ACYP2: variants seen among roughly 807,000 people sequenced by gnomAD.
The protein encoded by ACYP2 is acylphosphatase 2.
Under a neutral mutation model 11.2 loss-of-function variants are expected in ACYP2, and 12 were observed. That is an observed-to-expected ratio of 1.08 (90% confidence interval 0.69 to 1.74). The LOEUF is 1.74. ACYP2 is among the 40% of genes most tolerant of loss of function. The probability of loss-of-function intolerance (pLI) is 0.00; values close to 1 mark genes in which losing one functional copy is unlikely to be tolerated. For missense variants in ACYP2, 134 were observed against 101.9 expected (o/e 1.31, Z -1.35); for synonymous variants, 43 against 32.2 (o/e 1.33, Z -1.13).
intron 2 of ACYP2, among the ~76,000 whole-genome samples, chr2:54,012,606 A>G (rs1191705291): frequency 1.3e-5 from 2 of 151,928 alleles, no homozygotes; most frequent in East Asian, 3.9e-4. Flanking sequence ...TTGGTACAGC[A>G]CTGAGGCCGT....
intron 2 of ACYP2, among the ~76,000 whole-genome samples, chr2:54,023,714 C>T (rs975508314): frequency 1.3e-5 from 2 of 151,760 alleles, no homozygotes; most frequent in African/African-American, 4.8e-5. Flanking sequence ...AGTTTTTTTC[C>T]TGGAAACATA....
intron 6 of ACYP2, among the ~76,000 whole-genome samples, chr2:54,264,324 C>G (rs1406494070): frequency 6.6e-6 from 1 of 152,180 alleles, no homozygotes; most frequent in Non-Finnish European, 1.5e-5. Flanking sequence ...GCGACCCAAG[C>G]AGGTTGCCGC....
Position 54,054,788 on chromosome 2 carries a change from C to T in ACYP2, c.156-2451C>T, listed in dbSNP as rs1248105598. ...TAACTCATCTGAATACAAGAGACTT[C>T]CTTCTAAAGGATTTGACATATCTCC... On this transcript the variant is annotated intron_variant, in intron 3 of 6. Coordinates refer to ENST00000607452, the MANE Select transcript of ACYP2 (RefSeq NM_001320586.2). Among the ~76,000 whole-genome samples, 8 of 152,188 alleles carry T rather than the reference C, an allele frequency of 5.3e-5. No homozygotes were observed. The East Asian group carries it at 1.3e-3, about 26-fold the overall frequency.
intron 2 of ACYP2, among the ~76,000 whole-genome samples, chr2:53,984,844 G>T (rs892597049): frequency 1.3e-5 from 2 of 151,652 alleles, no homozygotes; most frequent in Non-Finnish European, 2.9e-5. Context: ...GCATTTATTA[G>T]TCCATGATAA....
At chr2:54,066,427 T>G (rs918780624) in intron 4 of ACYP2, among the ~76,000 whole-genome samples, 1 of 152,174 alleles carries the variant, frequency 6.6e-6, no homozygotes, top group African/African-American at 2.4e-5. Flanking sequence ...AAGTAGTTCT[T>G]TATAGCAGTG....
intron 6 of ACYP2, among the ~76,000 whole-genome samples, chr2:54,243,287 A>G (rs528662729): frequency 1.4e-4 from 21 of 152,304 alleles, no homozygotes; most frequent in Non-Finnish European, 2.4e-4. Flanking sequence ...AGAGCCTACT[A>G]CACACCTAGG....
At chr2:54,102,911 G>A (rs961610230) in intron 4 of ACYP2, among the ~76,000 whole-genome samples, 1 of 152,088 alleles carries the variant, frequency 6.6e-6, no homozygotes, top group Non-Finnish European at 1.5e-5. Flanking sequence ...ATTTCTAATG[G>A]GTCCCACAAA....
chr2:54,183,543 GA>G (rs1683837403), intron 6 of ACYP2, among the ~76,000 whole-genome samples: 1 of 150,612 alleles, frequency 6.6e-6, no homozygotes, highest in African/African-American at 2.4e-5. Context: ...AAAAAAAAAA[GA>G]AAAAAAGATT....
At chr2:54,121,866 C>T (rs1680179004) in intron 4 of ACYP2, among the ~76,000 whole-genome samples, 1 of 152,218 alleles carries the variant, frequency 6.6e-6, no homozygotes, top group Non-Finnish European at 1.5e-5. Flanking sequence ...TTCATATCCC[C>T]TACACGGCTA....
chr2:53,974,601 A>G (rs1227506261), intron 2 of ACYP2, among the ~76,000 whole-genome samples: 1 of 152,234 alleles, frequency 6.6e-6, no homozygotes, highest in African/African-American at 2.4e-5. Context: ...ACTATTATCT[A>G]TCTGCACAAT....
chr2:54,281,859 G>C (rs1688861907), intron 6 of ACYP2, among the ~76,000 whole-genome samples: 1 of 152,116 alleles, frequency 6.6e-6, no homozygotes, highest in Non-Finnish European at 1.5e-5. Context: ...GTTTGAACAA[G>C]ATTATAAAAA....
chr2:54,252,266 C>G (rs369869699), intron 6 of ACYP2, among the ~76,000 whole-genome samples: 3 of 152,192 alleles, frequency 2.0e-5, no homozygotes, highest in African/African-American at 4.8e-5. Context: ...AATAGTATAC[C>G]ATTGTGTGAA....
At chr2:54,287,701 G>C (rs944482068) in intron 6 of ACYP2, among the ~76,000 whole-genome samples, 1 of 152,022 alleles carries the variant, frequency 6.6e-6, no homozygotes, top group African/African-American at 2.4e-5. Flanking sequence ...CAGAGCTGTT[G>C]CAGAACCCAG....
intron 4 of ACYP2, among the ~76,000 whole-genome samples, chr2:54,081,681 C>T (rs1043409053): frequency 6.6e-6 from 1 of 152,368 alleles, no homozygotes; most frequent in African/African-American, 2.4e-5. Flanking sequence ...CATGACTCTA[C>T]ATACCTGATG....
intron 2 of ACYP2, among the ~76,000 whole-genome samples, chr2:53,975,705 A>C (rs1312874484): frequency 6.6e-6 from 1 of 151,784 alleles, no homozygotes; most frequent in Non-Finnish European, 1.5e-5. Context: ...GGTGGCATGC[A>C]CCTGTAGTCC....
At chr2:54,301,901 G>A (rs1689740551) in intron 6 of ACYP2, among the ~76,000 whole-genome samples, 1 of 152,122 alleles carries the variant, frequency 6.6e-6, no homozygotes, top group Non-Finnish European at 1.5e-5. Context: ...GGCAGATCAG[G>A]CAGGGTGGTT....
chr2:54,151,009 G>A (rs1266901739), intron 6 of ACYP2, among the ~76,000 whole-genome samples: 1 of 152,116 alleles, frequency 6.6e-6, no homozygotes, highest in Non-Finnish European at 1.5e-5. Context: ...CCAAAGTGCT[G>A]GGATTACAGG....
At chr2:54,000,789 C>T (rs868109896) in intron 2 of ACYP2, among the ~76,000 whole-genome samples, 2 of 152,162 alleles carry the variant, frequency 1.3e-5, no homozygotes, top group South Asian at 4.1e-4. Context: ...CACTTCCATT[C>T]CCATTCCTTT....
intron 4 of ACYP2, among the ~76,000 whole-genome samples, chr2:54,123,863 A>G (rs541494521): frequency 2.0e-5 from 3 of 152,230 alleles, no homozygotes; most frequent in African/African-American, 4.8e-5. Flanking sequence ...AGTCCCAACC[A>G]GTGATACGGC....
Sources: gnomAD v4.1 joint callset for allele counts (sites outside exome capture counted in the v4.1 genomes callset) on GRCh38, gnomAD v4.1.1 for gene constraint, MANE v1.5 for transcripts, NCBI Gene and HGNC (gene_info 2026-07-23, HGNC 2026-07-21) for gene names.